ARL8B: variants seen among roughly 807,000 people sequenced by gnomAD.
The protein encoded by ARL8B is ARF like GTPase 8B.
In ARL8B, 9 loss-of-function variants were observed where a neutral mutation model predicts 30.6. The observed-to-expected ratio is 0.29, with a 90% CI of 0.18 to 0.51. ARL8B has a LOEUF of 0.51. Ranked by LOEUF, ARL8B falls within the 20% of genes least tolerant of loss-of-function variation. The pLI, the probability that ARL8B is intolerant of heterozygous loss-of-function variation, is 0.97. For missense variants in ARL8B, 130 were observed against 227.2 expected, an observed-to-expected ratio of 0.57 and a Z score of 2.75; for synonymous variants, 74 against 76.0, an observed-to-expected ratio of 0.97 and a Z score of 0.14.
chr3:5,176,492 A>G (rs936151486), intron 6 of ARL8B, among the ~76,000 whole-genome samples: 2 of 152,118 alleles, frequency 1.3e-5, no homozygotes, highest in African/African-American at 2.4e-5. Context: ...CAGCCTCCCA[A>G]AGTGCTTAGA....
At chr3:5,147,979 G>C (rs1422966692) in intron 1 of ARL8B, among the ~76,000 whole-genome samples, 16 of 151,134 alleles carry the variant, frequency 1.1e-4, no homozygotes, top group Non-Finnish European at 1.5e-5. Context: ...ATTTGGGCTT[G>C]GTCCCTGGGA....
chr3:5,154,246 A>T (rs1163826812), intron 1 of ARL8B, among the ~76,000 whole-genome samples: 1 of 151,282 alleles, frequency 6.6e-6, no homozygotes, highest in Admixed American at 6.6e-5. Flanking sequence ...CTTTGACATG[A>T]CTGTTAGTCC....
intron 1 of ARL8B, among the ~76,000 whole-genome samples, chr3:5,137,287 A>G (rs1434400771): frequency 6.6e-6 from 1 of 151,970 alleles, no homozygotes; most frequent in Non-Finnish European, 1.5e-5. Flanking sequence ...TTAGGGCAGG[A>G]TCATGTGCTC....
chr3:5,127,466 G>C (rs1217420080), intron 1 of ARL8B, among the ~76,000 whole-genome samples: 4 of 152,158 alleles, frequency 2.6e-5, no homozygotes, highest in Admixed American at 2.0e-4. Context: ...TCTCTAGAGA[G>C]AGCATTTTAA....
intron 5 of ARL8B, 127 bp from the exon 6 acceptor site, chr3:5,174,217 C>G: frequency 9.1e-7 from 1 of 1,094,962 alleles, no homozygotes; most frequent in Non-Finnish European, 1.4e-6. Flanking sequence ...GAAGTGAATC[C>G]TAACATTTTA....
At chr3:5,155,972 A>G (rs1263216515) in intron 1 of ARL8B, among the ~76,000 whole-genome samples, 1 of 150,612 alleles carries the variant, frequency 6.6e-6, no homozygotes, top group Non-Finnish European at 1.5e-5. Flanking sequence ...GCGCGATCTC[A>G]GCTCACGGCA....
intron 1 of ARL8B, among the ~76,000 whole-genome samples, chr3:5,133,760 C>G (rs2054302914): frequency 6.6e-6 from 1 of 151,992 alleles, no homozygotes; most frequent in Non-Finnish European, 1.5e-5. Flanking sequence ...AAACTCTGGT[C>G]TCTACAAAAA....
chr3:5,138,093 T>C (rs1331455052), intron 1 of ARL8B, among the ~76,000 whole-genome samples: 1 of 151,772 alleles, frequency 6.6e-6, no homozygotes, highest in Non-Finnish European at 1.5e-5. Context: ...GGCAACTTGG[T>C]GAAAAATTTA....
At chr3:5,157,606 A>G (rs899219525) in intron 1 of ARL8B, among the ~76,000 whole-genome samples, 16 of 152,218 alleles carry the variant, frequency 1.1e-4, no homozygotes, top group Non-Finnish European at 2.2e-4. Flanking sequence ...CTTCTCCGTA[A>G]GTACAGCTGG....
At chr3:5,148,751 G>C (rs560536998) in intron 1 of ARL8B, among the ~76,000 whole-genome samples, 1 of 152,126 alleles carries the variant, frequency 6.6e-6, no homozygotes, top group East Asian at 1.9e-4. Flanking sequence ...AAGATCGAAG[G>C]CTTATGAATA....
chr3:5,132,355 A>G (rs1044564739), intron 1 of ARL8B, among the ~76,000 whole-genome samples: 1 of 151,966 alleles, frequency 6.6e-6, no homozygotes, highest in African/African-American at 2.4e-5. Flanking sequence ...CCCTGGTTCA[A>G]GTGATTCTCC....
rs375906287 is a variant in ARL8B, at chr3:5,122,461, C to T, written c.-5C>T. The T allele has an allele frequency of 7.9e-5, 128 of 1,612,874 alleles. No homozygotes were observed. The Middle Eastern group carries it at 2.1e-3, about 26-fold the overall frequency. ...TCCCGTCCGTTCTCGCTCCCGGCCG[C>T]CATCATGCTGGCGCTCATCTCCCGC... is the stretch of plus-strand genomic sequence containing the variant. On this transcript the variant is annotated 5_prime_UTR_variant, in exon 1 of 7. Coordinates refer to ENST00000256496, the MANE Select transcript of ARL8B (RefSeq NM_018184.3).
Position 5,176,524 on chromosome 3 carries a change from G to A in ARL8B, c.511+2110G>A, listed in dbSNP as rs897796750. On this transcript the variant is annotated intron_variant, in intron 6 of 6. Coordinates refer to ENST00000256496, the MANE Select transcript of ARL8B (RefSeq NM_018184.3). ...TAGATTGACAGGCATGAGCCACCAC[G>A]CCCAGCCACAAATATGCTTTATTCA... Among the ~76,000 whole-genome samples, 4 of 152,152 alleles carry A rather than the reference G, an allele frequency of 2.6e-5. No homozygotes were observed. In the East Asian group the frequency reaches 5.8e-4, roughly 22 times the overall value.
chr3:5,170,463 T>C, intron 1 of ARL8B, 40 bp from the exon 2 acceptor site: 1 of 1,402,262 alleles, frequency 7.1e-7, no homozygotes, highest in Non-Finnish European at 1.0e-6. Context: ...AGTGTCATTA[T>C]AAGTGAGTAG....
In ARL8B at chr3:5,129,945, C is replaced by T. The variant is rs370358523; in HGVS notation, c.123+7357C>T. 2.9e-3 allele frequency among the ~76,000 whole-genome samples: 441 copies of T among 152,258 alleles called. 4 individuals carry two copies. Among genetic ancestry groups the T allele is most frequent in the African/African-American group, 0.01 (426 of 41,534 alleles). On this transcript the variant is annotated intron_variant, in intron 1 of 6. Coordinates refer to ENST00000256496, the MANE Select transcript of ARL8B (RefSeq NM_018184.3). The stretch of plus-strand genomic sequence containing the variant: ...GTGGCATGATCTTGGCTCACTGCAA[C>T]CTCTGCCTCCTGGGTTCAAGTGATT...
At chr3:5,135,349 T>C (rs559808627) in intron 1 of ARL8B, among the ~76,000 whole-genome samples, 4 of 152,032 alleles carry the variant, frequency 2.6e-5, no homozygotes, top group Non-Finnish European at 5.9e-5. Context: ...AGTGCAGTCT[T>C]GGCTCACTGC....
chr3:5,153,663 AT>A (rs2054507350), intron 1 of ARL8B, among the ~76,000 whole-genome samples: 1 of 152,176 alleles, frequency 6.6e-6, no homozygotes, highest in African/African-American at 2.4e-5. Flanking sequence ...GCCATCAAAC[AT>A]TTTAAAGTAT....
At chr3:5,173,681 C>G (rs946994815) in intron 4 of ARL8B, among the ~76,000 whole-genome samples, 1 of 152,124 alleles carries the variant, frequency 6.6e-6, no homozygotes, top group Non-Finnish European at 1.5e-5. Context: ...GGCTGCTGCA[C>G]TCCAGCCTGG....
At chr3:5,176,462 C>G (rs1042334623) in intron 6 of ARL8B, among the ~76,000 whole-genome samples, 10 of 152,114 alleles carry the variant, frequency 6.6e-5, no homozygotes, top group Non-Finnish European at 1.5e-5. Flanking sequence ...AACTCCTGAC[C>G]TCAGGTGATG....
Sources: allele counts gnomAD v4.1 joint callset (sites outside exome capture counted in the v4.1 genomes callset), GRCh38; gene constraint gnomAD v4.1.1; transcripts MANE v1.5; gene names NCBI Gene and HGNC (gene_info 2026-07-23, HGNC 2026-07-21).